KAZN: variants seen among roughly 807,000 people sequenced by gnomAD.
KAZN encodes the protein kazrin, periplakin interacting protein.
KAZN carries 40 observed loss-of-function variants against 87.4 expected under a neutral mutation model. The observed-to-expected ratio is 0.46, with a 90% confidence interval of 0.36 to 0.60. KAZN has a LOEUF of 0.60. KAZN is among the 20% of genes least tolerant of loss of function. The pLI is 0.00. For missense variants in KAZN, 898 were observed against 1,073.9 expected (o/e 0.84, Z 2.29); for synonymous variants, 466 against 458.3 (o/e 1.02, Z -0.22).
intron 8 of KAZN, among the ~76,000 whole-genome samples, chr1:15,076,370 A>G (rs1481233925): frequency 6.6e-6 from 1 of 152,214 alleles, no homozygotes; most frequent in Non-Finnish European, 1.5e-5. Flanking sequence ...GGCTTGAGGA[A>G]AGGCCTCGGC....
chr1:14,348,775 T>G (rs570158003), intron 2 of KAZN, among the ~76,000 whole-genome samples: 1 of 152,322 alleles, frequency 6.6e-6, no homozygotes, highest in South Asian at 2.1e-4. Context: ...CTTGTACAAT[T>G]TTCTCAAAAT....
intron 2 of KAZN, among the ~76,000 whole-genome samples, chr1:14,459,164 T>C (rs1478344858): frequency 6.6e-6 from 1 of 152,020 alleles, no homozygotes; most frequent in Admixed American, 6.6e-5. Context: ...ACTAGGAGGG[T>C]ATCTTCATAT....
At chr1:14,752,054 C>G (rs1027155902) in intron 1 of KAZN, among the ~76,000 whole-genome samples, 1 of 152,148 alleles carries the variant, frequency 6.6e-6, no homozygotes, top group African/African-American at 2.4e-5. Context: ...TGAAAGGGAG[C>G]TGGTGTGTGC....
chr1:14,092,092 CTTTT>C (rs869248379), intron 1 of KAZN, among the ~76,000 whole-genome samples: 1 of 129,088 alleles, frequency 7.7e-6, no homozygotes. Flanking sequence ...ATTTTCTTTT[CTTTT>C]TTTTTTTTTT....
chr1:14,450,183 C>T (rs138627384), intron 2 of KAZN, among the ~76,000 whole-genome samples: 39 of 152,202 alleles, frequency 2.6e-4, no homozygotes, highest in Non-Finnish European at 4.9e-4. Flanking sequence ...CTTTTCTTGG[C>T]CGGTCTTCAT....
chr1:14,665,217 CAG>C (rs1201781504), intron 1 of KAZN, among the ~76,000 whole-genome samples: 1 of 152,148 alleles, frequency 6.6e-6, no homozygotes, highest in Admixed American at 6.5e-5. Context: ...TTCAAACAAA[CAG>C]GAGATCCATG....
intron 1 of KAZN, among the ~76,000 whole-genome samples, chr1:14,023,674 G>GC (rs1640943997): frequency 6.6e-6 from 1 of 152,138 alleles, no homozygotes; most frequent in African/African-American, 2.4e-5. Flanking sequence ...TCAAGGAACG[G>GC]TAAACAAACA....
intron 1 of KAZN, among the ~76,000 whole-genome samples, chr1:14,681,323 A>G (rs1488368523): frequency 6.6e-6 from 1 of 152,154 alleles, no homozygotes; most frequent in Non-Finnish European, 1.5e-5. Flanking sequence ...GAGTAAAGCT[A>G]CTATGGACAT....
chr1:14,777,209 G>C (rs1270623697), intron 1 of KAZN, among the ~76,000 whole-genome samples: 1 of 151,914 alleles, frequency 6.6e-6, no homozygotes, highest in Non-Finnish European at 1.5e-5. Flanking sequence ...TGTTAGCCAG[G>C]ATGGTCTCGA....
intron 1 of KAZN, among the ~76,000 whole-genome samples, chr1:14,137,413 A>G (rs1355428305): frequency 1.3e-5 from 2 of 152,180 alleles, no homozygotes; most frequent in Admixed American, 1.3e-4. Flanking sequence ...GACCAGAACC[A>G]GAGATTTCAG....
In KAZN at chr1:14,276,160, GGTGTGTGTGTGTGTGTGT is replaced by G. The variant is rs5772575; in HGVS notation, c.249+95593_249+95610del. ...CATGGAGCATAGTGTTCGCTATAAG[GGTGTGTGTGTGTGTGTGT>G]GTGTGTGTGTGTGTGTGTGTGTGTA... On this transcript the variant is annotated intron_variant, in intron 2 of 16. Transcript: ENST00000636203. 2.6e-3 allele frequency among the ~76,000 whole-genome samples: 350 copies of G among 135,796 alleles called. 1 individual carries two copies. Among genetic ancestry groups the G allele is most frequent in the Non-Finnish European group, 4.4e-3 (265 of 59,768 alleles). 89.1% of individuals were successfully genotyped at this position (135,796 alleles called of 152,430 possible).
At chr1:14,474,103 C>T (rs1227320439) in intron 2 of KAZN, among the ~76,000 whole-genome samples, 2 of 152,282 alleles carry the variant, frequency 1.3e-5, no homozygotes, top group African/African-American at 2.4e-5. Flanking sequence ...TTGTTCTTTG[C>T]CAAATCCCAG....
intron 2 of KAZN, among the ~76,000 whole-genome samples, chr1:14,421,168 C>T (rs1210757156): frequency 6.6e-6 from 1 of 152,206 alleles, no homozygotes; most frequent in Non-Finnish European, 1.5e-5. Flanking sequence ...AGTGTGTAAT[C>T]AATTTGTATC....
intron 2 of KAZN, among the ~76,000 whole-genome samples, chr1:14,296,002 T>C (rs1371998300): frequency 6.6e-6 from 1 of 152,182 alleles, no homozygotes; most frequent in Admixed American, 6.5e-5. Context: ...CTGGGGCAAG[T>C]TCACCTCTCT....
chr1:14,982,905 T>A (rs966623320), intron 2 of KAZN, among the ~76,000 whole-genome samples: 14 of 152,020 alleles, frequency 9.2e-5, no homozygotes, highest in African/African-American at 3.4e-4. Flanking sequence ...GAGACAGAGG[T>A]CCCCATTAGT....
intron 2 of KAZN, among the ~76,000 whole-genome samples, chr1:15,026,614 A>T (rs916535835): frequency 6.6e-6 from 1 of 152,132 alleles, no homozygotes; most frequent in African/African-American, 2.4e-5. Flanking sequence ...AGCACCCCAC[A>T]GTCACTCAAG....
chr1:14,161,957 G>A (rs1557526003), intron 1 of KAZN, among the ~76,000 whole-genome samples: 1 of 152,204 alleles, frequency 6.6e-6, no homozygotes, highest in Non-Finnish European at 1.5e-5. Flanking sequence ...GGTGCAACAA[G>A]CATAACTGCT....
At chr1:14,954,325 C>T (rs1188936694) in intron 1 of KAZN, among the ~76,000 whole-genome samples, 3 of 152,258 alleles carry the variant, frequency 2.0e-5, no homozygotes, top group Non-Finnish European at 4.4e-5. Flanking sequence ...GAAAGGTACC[C>T]AATCAGTCTT....
At chr1:15,049,891 G>A (rs1674113500) in intron 4 of KAZN, among the ~76,000 whole-genome samples, 1 of 152,076 alleles carries the variant, frequency 6.6e-6, no homozygotes, top group African/African-American at 2.4e-5. Context: ...AGGCATGATG[G>A]CAGGCGCCTG....
Sources: gnomAD v4.1 joint callset for allele counts (sites outside exome capture counted in the v4.1 genomes callset) on GRCh38, gnomAD v4.1.1 for gene constraint, MANE v1.5 for transcripts, NCBI Gene and HGNC (gene_info 2026-07-23, HGNC 2026-07-21) for gene names.